Variants in STT3B observed in about 807,000 individuals in gnomAD.
STT3B encodes the protein STT3 oligosaccharyltransferase complex catalytic subunit B.
In STT3B, 29 loss-of-function variants were observed where a neutral mutation model predicts 96.8. That is an observed-to-expected ratio of 0.30 (90% CI 0.22 to 0.41). STT3B has a LOEUF of 0.41. Ranked by LOEUF, STT3B falls within the 10% of genes least tolerant of loss-of-function variation. STT3B has a pLI of 1.00. For missense variants in STT3B, 640 were observed against 1,022.3 expected (o/e 0.63, Z 5.10); for synonymous variants, 367 against 360.0 (o/e 1.02, Z -0.22).
intron 8 of STT3B, among the ~76,000 whole-genome samples, chr3:31,618,938 T>A (rs989486016): frequency 7.0e-6 from 1 of 143,076 alleles, no homozygotes; most frequent in African/African-American, 3.0e-5. Context: ...ATTGTAATAT[T>A]ATAATATAAC....
intron 1 of STT3B, among the ~76,000 whole-genome samples, chr3:31,570,806 C>T (rs966221366): frequency 6.6e-6 from 1 of 152,034 alleles, no homozygotes; most frequent in African/African-American, 2.4e-5. Flanking sequence ...GGGTGGAAAA[C>T]ACGGATGTAA....
chr3:31,624,606 C>T (rs1234856006), intron 11 of STT3B, among the ~76,000 whole-genome samples: 2 of 151,182 alleles, frequency 1.3e-5, no homozygotes, highest in South Asian at 2.1e-4. Flanking sequence ...TACTCTTTCA[C>T]TTGGGAGCTT....
At chr3:31,574,175 A>G (rs1219265044) in intron 1 of STT3B, among the ~76,000 whole-genome samples, 3 of 152,094 alleles carry the variant, frequency 2.0e-5, no homozygotes, top group Non-Finnish European at 4.4e-5. Flanking sequence ...TCTTCCATTA[A>G]AATATTTCCA....
intron 3 of STT3B, among the ~76,000 whole-genome samples, chr3:31,595,764 T>C (rs1214573605): frequency 1.3e-5 from 2 of 152,340 alleles, no homozygotes; most frequent in Admixed American, 1.3e-4. Context: ...TCCACACCTA[T>C]ACTTCTTCCA....
Position 31,625,084 on chromosome 3 carries a change from T to A in STT3B, c.1898T>A (p.Leu633Gln). ...ACCTGGAATAACAGCCACATAGCAC[T>A]GGTAAGGATTTACTAAATACAAGGT... ...NNTWNNSHIALVGKAMSSNET... is the reference protein window; with the variant it reads ...NNTWNNSHIAQVGKAMSSNET... Residue 633 changes from leucine to glutamine, a missense_variant and splice_region_variant, in exon 12 of 16, where the codon CTG (leucine) becomes CAG (glutamine). By Grantham distance (113) the Leu-to-Gln change is moderately radical. Coordinates refer to ENST00000295770, the MANE Select transcript of STT3B (RefSeq NM_178862.3). 5 of 1,610,654 alleles carry A rather than the reference T, an allele frequency of 3.1e-6. No homozygotes were observed. Among genetic ancestry groups the A allele is most frequent in the Non-Finnish European group, 4.2e-6 (5 of 1,178,450 alleles).
intron 1 of STT3B, among the ~76,000 whole-genome samples, chr3:31,557,728 G>A (rs1440868220): frequency 6.6e-6 from 1 of 152,160 alleles, no homozygotes; most frequent in African/African-American, 2.4e-5. Context: ...CGCCTCCCGG[G>A]TTCACACCAT....
At chr3:31,553,034 G>A (rs547551819) in intron 1 of STT3B, among the ~76,000 whole-genome samples, 7 of 150,620 alleles carry the variant, frequency 4.6e-5, no homozygotes, top group East Asian at 2.0e-4. Flanking sequence ...CCCGGGAGGC[G>A]GAGCTTGCAG....
intron 1 of STT3B, among the ~76,000 whole-genome samples, chr3:31,551,435 T>G (rs1237582372): frequency 6.6e-6 from 1 of 152,152 alleles, no homozygotes; most frequent in African/African-American, 2.4e-5. Context: ...CAGGCTGGTC[T>G]TGAACTCCTG....
chr3:31,612,707 A>G (rs961888561), intron 5 of STT3B, among the ~76,000 whole-genome samples: 1 of 152,196 alleles, frequency 6.6e-6, no homozygotes, highest in African/African-American at 2.4e-5. Flanking sequence ...AATTGAGAGT[A>G]TTATCGGGTC....
chr3:31,628,967 G>C (rs905658140), intron 13 of STT3B, among the ~76,000 whole-genome samples: 1 of 152,112 alleles, frequency 6.6e-6, no homozygotes, highest in Non-Finnish European at 1.5e-5. Flanking sequence ...TTATTTGGGC[G>C]TGGTGCCGTG....
chr3:31,627,238 A>G (rs953516848), intron 13 of STT3B, among the ~76,000 whole-genome samples: 2 of 152,178 alleles, frequency 1.3e-5, no homozygotes, highest in Non-Finnish European at 2.9e-5. Context: ...CTCCTATCAG[A>G]CCAGCGGCAG....
At position 31,622,109 on chromosome 3, in the gene STT3B, C is replaced by T; in HGVS notation, c.1340C>T (p.Ala447Val). The change falls in exon 10 of 16, where the codon GCA becomes GTA. Residue 447 changes from alanine (A) to valine (V), a missense_variant. Around this residue, in one of 8 missense-constraint regions of STT3B, gnomAD observed 33 missense variants for 43.1 expected, o/e 0.77. Coordinates refer to ENST00000295770, the MANE Select transcript of STT3B (RefSeq NM_178862.3). ...TTTGTCTTTGCAGTTGCTCTATATG[C>T]AATCAGTGCTGTCTACTTTGCTGGA... The part of the protein sequence containing the change: ...NDERVFVALY[A>V]ISAVYFAGVM... 6.2e-7 allele frequency: 1 copy of T among 1,613,580 alleles called. No individual in the cohort carries two copies. The highest frequency in any genetic ancestry group is 8.5e-7 in the Non-Finnish European group (1 of 1,179,506).
intron 4 of STT3B, 63 bp from the exon 5 acceptor site, chr3:31,600,297 C>A: frequency 1.4e-6 from 1 of 689,966 alleles, no homozygotes; most frequent in Non-Finnish European, 2.3e-6. Flanking sequence ...TGTTTAGATT[C>A]CTAAATATAC....
At chr3:31,607,758 TGTG>T (rs369766849) in intron 5 of STT3B, among the ~76,000 whole-genome samples, 8,238 of 151,378 alleles carry the variant, frequency 0.054, 769 homozygotes, top group African/African-American at 0.19. Context: ...GGGGGGTTGT[TGTG>T]GTTGTTGTTG....
intron 3 of STT3B, among the ~76,000 whole-genome samples, chr3:31,593,321 C>G (rs951840700): frequency 5.9e-5 from 9 of 152,074 alleles, no homozygotes; most frequent in African/African-American, 1.9e-4. Flanking sequence ...GATGCAAAGT[C>G]AATCATATCG....
chr3:31,578,151 G>A (rs1698300374), intron 2 of STT3B, among the ~76,000 whole-genome samples: 2 of 152,130 alleles, frequency 1.3e-5, no homozygotes, highest in African/African-American at 2.4e-5. Context: ...CTGAGCATTG[G>A]AAGGCTTGAT....
At chr3:31,625,654 G>T (rs1370321795) in intron 12 of STT3B, among the ~76,000 whole-genome samples, 1 of 152,204 alleles carries the variant, frequency 6.6e-6, no homozygotes, top group African/African-American at 2.4e-5. Context: ...GCCTGCGGTT[G>T]TGAGAAGTTG....
At chr3:31,549,777 A>G (rs1348933351) in intron 1 of STT3B, among the ~76,000 whole-genome samples, 6 of 152,300 alleles carry the variant, frequency 3.9e-5, no homozygotes, top group African/African-American at 9.6e-5. Context: ...ATTTGTTTCT[A>G]TAATATATGA....
intron 1 of STT3B, among the ~76,000 whole-genome samples, chr3:31,547,206 C>A (rs1305608246): frequency 6.6e-6 from 1 of 152,112 alleles, no homozygotes; most frequent in Admixed American, 6.5e-5. Context: ...CTCCTTATTC[C>A]TCAATTTTTT....
Sources: allele counts gnomAD v4.1 joint callset (sites outside exome capture counted in the v4.1 genomes callset), GRCh38; gene constraint gnomAD v4.1.1; regional missense constraint gnomAD v4.1.1; transcripts MANE v1.5; gene names NCBI Gene and HGNC (gene_info 2026-07-23, HGNC 2026-07-21).